SUMF1: variants seen among roughly 807,000 people sequenced by gnomAD.
The protein encoded by SUMF1 is formylglycine-generating enzyme.
A neutral mutation model predicts 47.6 loss-of-function variants in SUMF1; 48 were observed. The ratio of observed to expected loss-of-function variants is 1.01; its 90% CI spans 0.80 to 1.28. The LOEUF (loss-of-function observed/expected upper bound fraction) is 1.28. SUMF1 is among the 50% of genes most tolerant of loss of function. SUMF1 has a pLI of 0.00. For missense variants in SUMF1, 571 were observed against 485.4 expected, an observed-to-expected ratio of 1.18 and a Z score of -1.66; for synonymous variants, 230 against 192.1, an observed-to-expected ratio of 1.20 and a Z score of -1.63.
chr3:4,374,020 G>GA (rs1384726719), intron 8 of SUMF1, among the ~76,000 whole-genome samples: 3 of 151,990 alleles, frequency 2.0e-5, no homozygotes, highest in African/African-American at 7.2e-5. Context: ...ATTAGCAATG[G>GA]AAAAAAACTT....
chr3:4,048,687 A>T (rs1363324350), intron 9 of SUMF1, among the ~76,000 whole-genome samples: 2 of 152,178 alleles, frequency 1.3e-5, no homozygotes, highest in Non-Finnish European at 2.9e-5. Context: ...TTTGCTCTAC[A>T]AAATCCCCAA....
At chr3:4,102,768 G>A (rs958658159) in intron 8 of SUMF1, among the ~76,000 whole-genome samples, 1 of 151,914 alleles carries the variant, frequency 6.6e-6, no homozygotes, top group Non-Finnish European at 1.5e-5. Context: ...ATAGGTGCTT[G>A]ATAAATTAAT....
At chr3:4,348,222 C>T (rs988974372) in intron 8 of SUMF1, among the ~76,000 whole-genome samples, 2 of 152,176 alleles carry the variant, frequency 1.3e-5, no homozygotes, top group African/African-American at 2.4e-5. Context: ...ATAGCCAAGA[C>T]AATTCTGAGC....
At chr3:4,237,373 G>T (rs2124991259) in intron 8 of SUMF1, among the ~76,000 whole-genome samples, 1 of 152,100 alleles carries the variant, frequency 6.6e-6, no homozygotes, top group South Asian at 2.1e-4. Context: ...ATTCCATAAT[G>T]ACATATGATG....
intron 8 of SUMF1, among the ~76,000 whole-genome samples, chr3:4,083,562 T>C (rs567533324): frequency 8.5e-5 from 13 of 152,272 alleles, no homozygotes; most frequent in African/African-American, 2.9e-4. Context: ...CCCAATATTC[T>C]GCTACCACTA....
intron 8 of SUMF1, among the ~76,000 whole-genome samples, chr3:4,327,767 A>G (rs577363663): frequency 6.6e-6 from 1 of 152,350 alleles, no homozygotes; most frequent in East Asian, 1.9e-4. Context: ...TATCTAAAAA[A>G]GTTAATGAGA....
intron 8 of SUMF1, among the ~76,000 whole-genome samples, chr3:4,237,124 T>C (rs1696426843): frequency 6.6e-6 from 1 of 152,136 alleles, no homozygotes; most frequent in Non-Finnish European, 1.5e-5. Context: ...TATATCATAG[T>C]TTATTTATTC....
intron 8 of SUMF1, among the ~76,000 whole-genome samples, chr3:4,105,798 T>G (rs942874258): frequency 6.6e-6 from 1 of 152,124 alleles, no homozygotes; most frequent in Admixed American, 6.6e-5. Context: ...TGAATATGCA[T>G]TCTTACAAAC....
intron 8 of SUMF1, among the ~76,000 whole-genome samples, chr3:4,260,547 C>T (rs907219821): frequency 6.6e-6 from 1 of 152,088 alleles, no homozygotes; most frequent in Non-Finnish European, 1.5e-5. Flanking sequence ...TAAACCTGGG[C>T]ATAACGTAGA....
chr3:4,287,734 G>A (rs1475584155), intron 8 of SUMF1, among the ~76,000 whole-genome samples: 3 of 152,198 alleles, frequency 2.0e-5, no homozygotes, highest in African/African-American at 4.8e-5. Context: ...GAGTCCCAAG[G>A]TGCCTCAGTG....
intron 8 of SUMF1, among the ~76,000 whole-genome samples, chr3:4,253,886 G>C (rs1459853188): frequency 3.7e-4 from 55 of 150,132 alleles, no homozygotes; most frequent in Admixed American, 2.6e-3. Flanking sequence ...GAAGAGAGCA[G>C]TGGTTCTCCC....
intron 8 of SUMF1, among the ~76,000 whole-genome samples, chr3:4,165,064 C>T (rs1370182309): frequency 6.6e-6 from 1 of 152,150 alleles, no homozygotes; most frequent in Non-Finnish European, 1.5e-5. Context: ...GGGATGCATA[C>T]TGGGAACAGC....
intron 8 of SUMF1, among the ~76,000 whole-genome samples, chr3:4,284,852 T>G (rs1697601038): frequency 6.6e-6 from 1 of 152,210 alleles, no homozygotes; most frequent in Admixed American, 6.5e-5. Flanking sequence ...ATTTAATACA[T>G]TATTTTTCCT....
intron 8 of SUMF1, chr3:4,229,357 T>A (rs73806954): frequency 0.012 from 4,999 of 415,634 alleles, 211 homozygotes; most frequent in African/African-American, 0.091. Flanking sequence ...TTCTTATAAA[T>A]GTCCACAGCC....
intron 8 of SUMF1, among the ~76,000 whole-genome samples, chr3:4,309,305 A>T (rs1698314089): frequency 6.6e-6 from 1 of 152,196 alleles, no homozygotes; most frequent in South Asian, 2.1e-4. Flanking sequence ...CCCCCTTCCC[A>T]TCATGACCTG....
intron 8 of SUMF1, among the ~76,000 whole-genome samples, chr3:4,082,827 A>G (rs1011542221): frequency 2.6e-5 from 4 of 152,090 alleles, no homozygotes; most frequent in African/African-American, 9.7e-5. Flanking sequence ...AAGATGGAAA[A>G]GGAGGGTCTC....
chr3:4,142,751 C>T lies in SUMF1; in HGVS notation c.1015-74006G>A, dbSNP rs190429737. Among the ~76,000 whole-genome samples, 156 of 150,276 alleles carry T rather than the reference C, an allele frequency of 1.0e-3. 3 individuals are homozygous for T. In the South Asian group the frequency reaches 0.013, roughly 12 times the overall value. Reference sequence around the variant, plus strand: ...AGAATCTCGTGAATGCTACAGGATTCCCTCACAGCCCTCACACACACCTCC... The same window carrying T: ...AGAATCTCGTGAATGCTACAGGATTTCCTCACAGCCCTCACACACACCTCC... On this transcript the variant is annotated intron_variant and NMD_transcript_variant, in intron 8 of 12. Coordinates refer to the SUMF1 transcript ENST00000448413.
chr3:4,334,996 T>C (rs902577829), intron 8 of SUMF1, among the ~76,000 whole-genome samples: 4 of 152,158 alleles, frequency 2.6e-5, no homozygotes, highest in Admixed American at 1.3e-4. Context: ...CTTACGTAAA[T>C]AAAACCTCTC....
intron 8 of SUMF1, among the ~76,000 whole-genome samples, chr3:4,206,511 A>G (rs928266564): frequency 6.6e-6 from 1 of 152,142 alleles, no homozygotes; most frequent in Non-Finnish European, 1.5e-5. Context: ...CAAGTTCAAC[A>G]GTCACTGTGT....
Sources: allele counts gnomAD v4.1 joint callset (sites outside exome capture counted in the v4.1 genomes callset), GRCh38; gene constraint gnomAD v4.1.1; transcripts MANE v1.5; gene names NCBI Gene and HGNC (gene_info 2026-07-23, HGNC 2026-07-21).